The following KLHL13 variants were observed in gnomAD, a reference collection of about 807,000 sequenced individuals.
KLHL13 encodes the protein kelch-like protein 13.
A neutral mutation model predicts 37.1 loss-of-function variants in KLHL13; 10 were observed. The observed-to-expected ratio is 0.27, with a 90% CI of 0.17 to 0.46. KLHL13 has a LOEUF of 0.46. KLHL13 is among the 20% of genes least tolerant of loss of function. The pLI is 1.00. For missense variants in KLHL13, 360 were observed against 509.3 expected, an observed-to-expected ratio of 0.71 and a Z score of 2.82; for synonymous variants, 163 against 181.2, an observed-to-expected ratio of 0.90 and a Z score of 0.81.
chrX:118,010,120 G>T (rs1409357147), intron 1 of KLHL13, among the ~76,000 whole-genome samples: 1 of 102,343 alleles, frequency 9.8e-6, no homozygotes, highest in Non-Finnish European at 2.0e-5. Flanking sequence ...GGAGAAATAG[G>T]AACACTTTTA....
chrX:117,944,806 T>C (rs1042224934), intron 2 of KLHL13, among the ~76,000 whole-genome samples: 2 of 111,748 alleles, frequency 1.8e-5, no homozygotes, highest in Admixed American at 9.5e-5. Flanking sequence ...CCGTGCTAAA[T>C]AGCTCCAGAT....
At chrX:117,934,485 T>C (rs1932669787) in intron 2 of KLHL13, among the ~76,000 whole-genome samples, 1 of 110,588 alleles carries the variant, frequency 9.0e-6, no homozygotes, top group Non-Finnish European at 1.9e-5. Context: ...TCTCTCCTAC[T>C]AACTTTGCCA....
intron 1 of KLHL13, among the ~76,000 whole-genome samples, chrX:118,021,917 T>A (rs748949594): frequency 8.6e-4 from 96 of 111,861 alleles, no homozygotes; most frequent in Non-Finnish European, 9.4e-4. Flanking sequence ...CTGACTTTAA[T>A]GATCGCCATT....
chrX:118,085,820 T>C, intron 1 of KLHL13, among the ~76,000 whole-genome samples: 1 of 105,365 alleles, frequency 9.5e-6, no homozygotes, highest in Non-Finnish European at 1.9e-5. Context: ...TGTGTGTGTG[T>C]GTGTGTGTGT....
In KLHL13 at chrX:117,983,380, C is replaced by T. The variant is rs190883758; in HGVS notation, c.-55-37805G>A. On this transcript the variant is annotated intron_variant, in intron 1 of 6. Transcript: ENST00000371882. Reference sequence around the variant, plus strand: ...TGCCCTAGCCATTACTGTAACTATACTTGATAACTGTCTTCTAGTATTCTC... The same window carrying T: ...TGCCCTAGCCATTACTGTAACTATATTTGATAACTGTCTTCTAGTATTCTC... 4.1e-3 allele frequency: 1,941 copies of T among 470,840 alleles called. 5 individuals are homozygous for T. Among genetic ancestry groups the T allele is most frequent in the Non-Finnish European group, 5.6e-3 (1,618 of 290,055 alleles). 38.8% of individuals were successfully genotyped at this position (470,840 alleles called of 1,213,427 possible).
intron 2 of KLHL13, among the ~76,000 whole-genome samples, chrX:117,925,532 GA>G (rs1931960782): frequency 8.9e-6 from 1 of 111,812 alleles, no homozygotes. Flanking sequence ...TCAAAGGACA[GA>G]AAAAGGAACA....
chrX:117,979,193 A>G (rs112541769), intron 1 of KLHL13, among the ~76,000 whole-genome samples: 1 of 111,977 alleles, frequency 8.9e-6, no homozygotes, highest in Non-Finnish European at 1.9e-5. Context: ...CGACCTCCCA[A>G]ATTGCTGGGA....
Position 118,044,431 on chromosome X carries a change from A to AG in KLHL13, c.-56+72076dup, listed in dbSNP as rs1453038951. 2.6e-4 allele frequency among the ~76,000 whole-genome samples: 4 copies of AG among 15,658 alleles called. No homozygotes were observed. The East Asian group carries it at 0.015, about 60-fold the overall frequency. The allele number at this position is 15,658 out of a possible 115,157, so 13.6% of individuals were successfully genotyped here. On this transcript the variant is annotated intron_variant, in intron 1 of 6. Coordinates refer to the KLHL13 transcript ENST00000371882. ...GACCAGAATTGCCAAAGTTACTCTGAGGAAAAAAAAAAAAAAAGGAAAATC... is the reference window on the plus strand; with the variant it reads ...GACCAGAATTGCCAAAGTTACTCTGAGGGAAAAAAAAAAAAAAAGGAAAATC...
chrX:118,052,110 C>T (rs1304247397), intron 1 of KLHL13, among the ~76,000 whole-genome samples: 1 of 111,256 alleles, frequency 9.0e-6, no homozygotes, highest in Non-Finnish European at 1.9e-5. Context: ...GATAAAACTT[C>T]TCAAAAAACA....
intron 1 of KLHL13, among the ~76,000 whole-genome samples, chrX:117,964,386 C>A (rs757715851): frequency 9.0e-5 from 10 of 111,501 alleles, no homozygotes; most frequent in African/African-American, 3.3e-4. Flanking sequence ...GTCTTGGTTC[C>A]AAATTTTCAC....
chrX:117,945,812 TG>T, intron 1 of KLHL13: 2 of 268,347 alleles, frequency 7.5e-6, no homozygotes, highest in Non-Finnish European at 1.3e-5. Flanking sequence ...ACTTAAAAGG[TG>T]GTTCAAAATT....
chrX:117,898,825 T>C, exon 7 of KLHL13: 1 of 994,774 alleles, frequency 1.0e-6, no homozygotes, highest in Non-Finnish European at 1.4e-6. Flanking sequence ...TCCTAACATA[T>C]ATACTACTTA....
At chrX:117,903,542 C>T (rs1930290037) in intron 5 of KLHL13, among the ~76,000 whole-genome samples, 2 of 111,036 alleles carry the variant, frequency 1.8e-5, no homozygotes, top group Non-Finnish European at 3.8e-5. Context: ...TCACTGGATG[C>T]CTTTTCAAAT....
rs187238442 is a variant in KLHL13 at position 118,024,277 on chromosome X, G to T, written c.-55-78702C>A. On this transcript the variant is annotated intron_variant, in intron 1 of 6. Transcript: ENST00000371882. ...ATTCACTTCTCTGGTTTGCGGTCAA[G>T]AATGCATTTATAATGTGAGGGCTAA... 4.5e-4 allele frequency among the ~76,000 whole-genome samples: 50 copies of T among 112,232 alleles called. No individual in the cohort carries two copies. The East Asian group carries it at 7.8e-3, about 18-fold the overall frequency.
Position 117,938,519 on chromosome X carries a change from G to T in KLHL13, c.240+6915C>A, listed in dbSNP as rs368151729. Among the ~76,000 whole-genome samples, 4 of 111,123 alleles carry T rather than the reference G, an allele frequency of 3.6e-5. No individual in the cohort carries two copies. In the East Asian group the frequency reaches 8.5e-4, roughly 24 times the overall value. ...TCTGGTTTGGGACCTAGCGTTCAGT[G>T]TTTTAACAAGCCCTCCTGATGATTC... is the stretch of plus-strand genomic sequence containing the variant. On this transcript the variant is annotated intron_variant, in intron 2 of 6. Coordinates refer to ENST00000262820, the Ensembl canonical transcript of KLHL13.
intron 1 of KLHL13, among the ~76,000 whole-genome samples, chrX:118,102,670 C>T (rs950454954): frequency 7.1e-5 from 8 of 111,894 alleles, no homozygotes; most frequent in African/African-American, 2.6e-4. Flanking sequence ...GAAAGTGCTG[C>T]CCTACATAGT....
intron 1 of KLHL13, among the ~76,000 whole-genome samples, chrX:118,110,457 A>G (rs1342427838): frequency 1.0e-5 from 1 of 99,596 alleles, no homozygotes; most frequent in Non-Finnish European, 2.0e-5. Context: ...TGGCTCACTG[A>G]AACCTCCAAC....
At chrX:117,945,627 T>G (rs1276012393) in intron 1 of KLHL13, 52 bp from the exon 3 acceptor site, 1 of 1,022,069 alleles carries the variant, frequency 9.8e-7, no homozygotes, top group African/African-American at 1.9e-5. Context: ...TTGTACAATT[T>G]ACAATGAGAT....
upstream of KLHL13, chrX:117,973,824 C>T (rs2053563224): frequency 3.7e-6 from 2 of 546,829 alleles, no homozygotes; most frequent in Non-Finnish European, 4.4e-6. Context: ...TCACCACCCC[C>T]CCCACTCCTC....
Sources: allele counts gnomAD v4.1 joint callset (sites outside exome capture counted in the v4.1 genomes callset), GRCh38; gene constraint gnomAD v4.1.1; transcripts MANE v1.5; gene names NCBI Gene and HGNC (gene_info 2026-07-23, HGNC 2026-07-21).